GPC6: variants seen among roughly 807,000 people sequenced by gnomAD.
The protein encoded by GPC6 is glypican-6.
Under a neutral mutation model 55.2 loss-of-function variants are expected in GPC6, and 14 were observed. The observed-to-expected ratio is 0.25, with a 90% CI of 0.17 to 0.40. The LOEUF (loss-of-function observed/expected upper bound fraction) is 0.40, where lower values mean the gene tolerates loss of function less well. Ranked by LOEUF, GPC6 falls within the 10% of genes least tolerant of loss-of-function variation. The pLI, the probability that GPC6 is intolerant of heterozygous loss-of-function variation, is 1.00. For synonymous variants in GPC6, 278 were observed against 259.6 expected (o/e 1.07, Z -0.68); for missense variants, 641 against 708.5 (o/e 0.90, Z 1.08).
At chr13:93,221,929 A>C (rs1397159397), upstream of GPC6, among the ~76,000 whole-genome samples, 1 of 152,250 alleles carries the variant, frequency 6.6e-6, no homozygotes, top group East Asian at 1.9e-4. Flanking sequence ...AAATACTAAG[A>C]AAAAACTAAA....
intron 4 of GPC6, among the ~76,000 whole-genome samples, chr13:94,179,269 G>A (rs987572976): frequency 2.0e-5 from 3 of 152,236 alleles, no homozygotes; most frequent in Non-Finnish European, 4.4e-5. Flanking sequence ...GTCAAATGAC[G>A]CTGCATTTGT....
chr13:93,718,664 G>A (rs1334324039), intron 2 of GPC6, among the ~76,000 whole-genome samples: 6 of 151,758 alleles, frequency 4.0e-5, no homozygotes, highest in African/African-American at 9.7e-5. Context: ...GGTGTTTTAG[G>A]CATGAATTCT....
intron 3 of GPC6, among the ~76,000 whole-genome samples, chr13:93,958,140 A>G (rs1362493445): frequency 1.3e-5 from 2 of 152,148 alleles, no homozygotes; most frequent in Admixed American, 6.5e-5. Context: ...ATGCTTTGCA[A>G]ATATTTTCTC....
At chr13:93,708,096 T>G (rs1425486372) in intron 2 of GPC6, among the ~76,000 whole-genome samples, 1 of 151,810 alleles carries the variant, frequency 6.6e-6, no homozygotes, top group Non-Finnish European at 1.5e-5. Context: ...TATCACTCAT[T>G]TAGCGGAAAA....
intron 1 of GPC6, among the ~76,000 whole-genome samples, chr13:93,410,643 T>A (rs1340830309): frequency 6.6e-6 from 1 of 152,192 alleles, no homozygotes; most frequent in Non-Finnish European, 1.5e-5. Context: ...TACTATATAA[T>A]AAATGGGCCT....
At chr13:93,695,105 T>C (rs1335052122) in intron 2 of GPC6, among the ~76,000 whole-genome samples, 8 of 152,096 alleles carry the variant, frequency 5.3e-5, no homozygotes, top group African/African-American at 1.9e-4. Context: ...AAAATAGTCA[T>C]AGAAATGAGT....
chr13:93,959,673 A>G (rs1303760476), intron 3 of GPC6, among the ~76,000 whole-genome samples: 1 of 152,058 alleles, frequency 6.6e-6, no homozygotes, highest in Admixed American at 6.6e-5. Flanking sequence ...ACCTTAGTTG[A>G]GTAGGTGGCC....
At chr13:93,395,234 C>A (rs1369127160) in intron 1 of GPC6, 7 of 410,412 alleles carry the variant, frequency 1.7e-5, no homozygotes, top group African/African-American at 1.4e-4. Flanking sequence ...GTCATTCCCA[C>A]CAGAACCACT....
Position 93,861,863 on chromosome 13 carries a change from G to T in GPC6, c.711+31318G>T, listed in dbSNP as rs1223749272. On this transcript the variant is annotated intron_variant, in intron 3 of 8. Coordinates refer to ENST00000377047, the MANE Select transcript of GPC6 (RefSeq NM_005708.5). ...TTTACATCTTCTGTAAAACAAAAAG[G>T]TTGTATTAGGTGATCTAAAGTGTCG... 2.0e-5 allele frequency among the ~76,000 whole-genome samples: 3 copies of T among 151,722 alleles called. No individual in the cohort carries two copies. In the East Asian group the frequency reaches 5.9e-4, roughly 30 times the overall value.
At chr13:93,723,573 A>G (rs1883526602) in intron 2 of GPC6, among the ~76,000 whole-genome samples, 2 of 152,010 alleles carry the variant, frequency 1.3e-5, no homozygotes, top group Non-Finnish European at 2.9e-5. Flanking sequence ...TCTGACCTAT[A>G]GGAACTGTGG....
intron 7 of GPC6, among the ~76,000 whole-genome samples, chr13:94,387,877 A>G (rs1327620440): frequency 1.3e-5 from 2 of 152,138 alleles, no homozygotes; most frequent in African/African-American, 2.4e-5. Flanking sequence ...AAGAATTGTG[A>G]GAAATAAATG....
At chr13:93,559,858 A>G (rs1382628134) in intron 2 of GPC6, among the ~76,000 whole-genome samples, 1 of 152,182 alleles carries the variant, frequency 6.6e-6, no homozygotes, top group Non-Finnish European at 1.5e-5. Flanking sequence ...GGGATGACTA[A>G]TCCCATTTCT....
At chr13:93,537,741 G>A (rs1250548399) in intron 1 of GPC6, among the ~76,000 whole-genome samples, 1 of 152,032 alleles carries the variant, frequency 6.6e-6, no homozygotes, top group Non-Finnish European at 1.5e-5. Context: ...CTCCTAGCCT[G>A]TTACCATCAT....
chr13:93,249,656 A>G (rs905094870), intron 1 of GPC6, among the ~76,000 whole-genome samples: 2 of 152,248 alleles, frequency 1.3e-5, no homozygotes, highest in Non-Finnish European at 2.9e-5. Flanking sequence ...ACTTTGGTCC[A>G]AGCAGCGCCT....
chr13:93,597,041 G>GAAAAT (rs1877788014), intron 2 of GPC6, among the ~76,000 whole-genome samples: 1 of 130,374 alleles, frequency 7.7e-6, no homozygotes, highest in African/African-American at 2.8e-5. Flanking sequence ...GAAAAGAAAA[G>GAAAAT]ACTAGTGTTT....
intron 3 of GPC6, among the ~76,000 whole-genome samples, chr13:93,957,113 A>G (rs1344728336): frequency 3.9e-5 from 6 of 152,156 alleles, no homozygotes. Context: ...GTGTGTCCTC[A>G]GTGTTATTGC....
chr13:93,235,651 A>T (rs1374572923), intron 1 of GPC6, among the ~76,000 whole-genome samples: 5 of 152,202 alleles, frequency 3.3e-5, no homozygotes, highest in Admixed American at 6.5e-5. Context: ...GGAAAATTTT[A>T]AAAAATTAAA....
At chr13:93,770,188 C>G (rs1437422861) in intron 2 of GPC6, among the ~76,000 whole-genome samples, 1 of 152,026 alleles carries the variant, frequency 6.6e-6, no homozygotes, top group Non-Finnish European at 1.5e-5. Context: ...AGTTATGTTA[C>G]TTATCTATTT....
intron 1 of GPC6, among the ~76,000 whole-genome samples, chr13:93,272,276 T>C (rs1201564641): frequency 6.6e-6 from 1 of 152,036 alleles, no homozygotes; most frequent in Non-Finnish European, 1.5e-5. Context: ...TGTCTTTAGA[T>C]GGCAGATTTA....
Sources: allele counts gnomAD v4.1 joint callset (sites outside exome capture counted in the v4.1 genomes callset), GRCh38; gene constraint gnomAD v4.1.1; transcripts MANE v1.5; gene names NCBI Gene and HGNC (gene_info 2026-07-23, HGNC 2026-07-21).